The following CEP63 variants were observed in gnomAD, a reference collection of about 807,000 sequenced individuals.
CEP63 encodes the protein centrosomal protein of 63 kDa.
CEP63 carries 84 observed loss-of-function variants against 89.1 expected under a neutral mutation model. That is an observed-to-expected ratio of 0.94 (90% confidence interval 0.79 to 1.13). The LOEUF (loss-of-function observed/expected upper bound fraction) is 1.13. CEP63 is among the 50% of genes most tolerant of loss of function. CEP63 has a pLI of 0.00. For synonymous variants in CEP63, 267 were observed against 272.5 expected (o/e 0.98, Z 0.20); for missense variants, 838 against 813.3 (o/e 1.03, Z -0.37).
At chr3:134,506,260 T>C (rs1013661137) in intron 2 of CEP63, among the ~76,000 whole-genome samples, 5 of 152,246 alleles carry the variant, frequency 3.3e-5, no homozygotes, top group African/African-American at 1.2e-4. Flanking sequence ...AATAGTAAGG[T>C]AGACTACAGT....
chr3:134,621,908 G>A, the CEP63 span, among the ~76,000 whole-genome samples: 1 of 152,068 alleles, frequency 6.6e-6, no homozygotes, highest in African/African-American at 2.4e-5. Context: ...CAAAGGACTT[G>A]AACAGATATT....
intron 3 of CEP63, among the ~76,000 whole-genome samples, chr3:134,523,744 C>T (rs1363967015): frequency 1.3e-5 from 2 of 152,048 alleles, no homozygotes; most frequent in African/African-American, 4.8e-5. Flanking sequence ...TTCCATTGGT[C>T]TATGTATCTG....
the CEP63 span, among the ~76,000 whole-genome samples, chr3:134,679,898 T>C: frequency 3.8e-4 from 58 of 152,294 alleles, no homozygotes; most frequent in African/African-American, 1.4e-3. Flanking sequence ...AATTTTTGTA[T>C]TTTTTGTAGA....
chr3:134,712,789 C>A, the CEP63 span, among the ~76,000 whole-genome samples: 1,998 of 152,232 alleles, frequency 0.013, 18 homozygotes, highest in Middle Eastern at 0.021. Context: ...GGGGGGAACT[C>A]AAATTATAGA....
At chr3:134,666,980 C>T in the CEP63 span, among the ~76,000 whole-genome samples, 2 of 152,164 alleles carry the variant, frequency 1.3e-5, no homozygotes, top group Non-Finnish European at 2.9e-5. Context: ...TCCCCTGTCC[C>T]CTGTGTCTTT....
At chr3:134,712,980 C>G in the CEP63 span, among the ~76,000 whole-genome samples, 1 of 152,220 alleles carries the variant, frequency 6.6e-6, no homozygotes, top group African/African-American at 2.4e-5. Flanking sequence ...TTCCATTTCT[C>G]TGGAGTAAAA....
chr3:134,650,782 A>C, the CEP63 span: 1 of 1,517,638 alleles, frequency 6.6e-7, no homozygotes, highest in South Asian at 1.3e-5. Flanking sequence ...CAAGGAGGCC[A>C]AGGTGCCGGG....
At chr3:134,517,833 A>G (rs978921074) in intron 3 of CEP63, among the ~76,000 whole-genome samples, 2 of 152,224 alleles carry the variant, frequency 1.3e-5, no homozygotes, top group African/African-American at 4.8e-5. Context: ...CCATAAGAGC[A>G]TATATTAGAA....
At chr3:134,645,241 C>T in the CEP63 span, among the ~76,000 whole-genome samples, 8 of 152,284 alleles carry the variant, frequency 5.3e-5, no homozygotes, top group Non-Finnish European at 8.8e-5. Flanking sequence ...GGTGAGGAGG[C>T]GGCTGGGCCC....
the CEP63 span, among the ~76,000 whole-genome samples, chr3:134,759,947 C>G: frequency 6.6e-6 from 1 of 152,018 alleles, no homozygotes; most frequent in Non-Finnish European, 1.5e-5. Flanking sequence ...AAGTAATTGC[C>G]TAAAAAACAG....
chr3:134,486,959 C>T (rs369721493), intron 1 of CEP63, among the ~76,000 whole-genome samples: 2 of 152,170 alleles, frequency 1.3e-5, no homozygotes, highest in African/African-American at 4.8e-5. Flanking sequence ...ACGTCCCTTA[C>T]GACATCAGGA....
intron 14 of CEP63, among the ~76,000 whole-genome samples, chr3:134,560,968 G>GA (rs1451164861): frequency 6.6e-6 from 1 of 152,156 alleles, no homozygotes; most frequent in Admixed American, 6.5e-5. Flanking sequence ...ATTTGGAGGA[G>GA]AAAAAATAAT....
Position 134,561,555 on chromosome 3 carries a change from T to G in CEP63, c.*20T>G. 6.2e-7 allele frequency: 1 copy of G among 1,601,948 alleles called. No individual in the cohort carries two copies. Among genetic ancestry groups the G allele is most frequent in the Non-Finnish European group, 8.5e-7 (1 of 1,172,786 alleles). ...AAGTAGCCTCTTAAAAAAATCACTA[T>G]CTTGGAAATAAAAATAAACACCAAA... On this transcript the variant is annotated 3_prime_UTR_variant, in exon 15 of 15. Coordinates refer to ENST00000675561, the MANE Select transcript of CEP63 (RefSeq NM_001353108.3).
chr3:134,698,025 A>T, the CEP63 span, among the ~76,000 whole-genome samples: 2 of 152,270 alleles, frequency 1.3e-5, no homozygotes, highest in Middle Eastern at 3.4e-3. Context: ...GACATGGAAG[A>T]CTGCGTGCAC....
the CEP63 span, among the ~76,000 whole-genome samples, chr3:134,598,500 A>G: frequency 1.3e-5 from 2 of 152,214 alleles, no homozygotes; most frequent in African/African-American, 4.8e-5. Flanking sequence ...TAGTGTGATA[A>G]GAATATATGA....
At chr3:134,769,768 T>C in the CEP63 span, among the ~76,000 whole-genome samples, 1 of 152,210 alleles carries the variant, frequency 6.6e-6, no homozygotes, top group Non-Finnish European at 1.5e-5. Flanking sequence ...TTAGTCCTGG[T>C]TGTCATCTTA....
the CEP63 span, among the ~76,000 whole-genome samples, chr3:134,657,483 T>C: frequency 6.6e-6 from 1 of 152,234 alleles, no homozygotes; most frequent in Non-Finnish European, 1.5e-5. Context: ...CAACCTGTAA[T>C]GAATAGTTTA....
chr3:134,555,688 G>C (rs1180182769), intron 12 of CEP63, among the ~76,000 whole-genome samples: 1 of 152,030 alleles, frequency 6.6e-6, no homozygotes, highest in East Asian at 1.9e-4. Context: ...CGTGAAAATG[G>C]CTATACTGCC....
the CEP63 span, among the ~76,000 whole-genome samples, chr3:134,732,231 GA>G: frequency 1.3e-5 from 2 of 152,098 alleles, no homozygotes; most frequent in South Asian, 2.1e-4. Flanking sequence ...AATACTTCAG[GA>G]AAAATAAAAA....
Sources: allele counts gnomAD v4.1 joint callset (sites outside exome capture counted in the v4.1 genomes callset), GRCh38; gene constraint gnomAD v4.1.1; transcripts MANE v1.5; gene names NCBI Gene and HGNC (gene_info 2026-07-23, HGNC 2026-07-21).